REDIC1: variants seen among roughly 807,000 people sequenced by gnomAD.
REDIC1 encodes regulator of DNA class I crossover intermediates 1, also known as HEI10 Interacting Protein 1.
the REDIC1 span, among the ~76,000 whole-genome samples, chr12:39,663,061 C>T: frequency 6.6e-6 from 1 of 151,898 alleles, no homozygotes; most frequent in African/African-American, 2.4e-5. Context: ...GTCTATTCAT[C>T]AGGAATATTG....
the REDIC1 span, among the ~76,000 whole-genome samples, chr12:39,878,715 G>A: frequency 7.9e-5 from 12 of 152,244 alleles, no homozygotes; most frequent in Non-Finnish European, 1.5e-4. Context: ...TGGAAAATTT[G>A]CAGCCTGGCC....
chr12:39,740,242 G>T, the REDIC1 span, among the ~76,000 whole-genome samples: 1 of 152,116 alleles, frequency 6.6e-6, no homozygotes, highest in East Asian at 1.9e-4. Context: ...CTTTAGAGTT[G>T]GGGGGAGTAG....
At chr12:39,657,675 A>G in the REDIC1 span, among the ~76,000 whole-genome samples, 1 of 152,162 alleles carries the variant, frequency 6.6e-6, no homozygotes, top group Admixed American at 6.5e-5. Flanking sequence ...AAAGTTATTC[A>G]TAACTTTCTC....
At chr12:39,715,797 A>G in the REDIC1 span, among the ~76,000 whole-genome samples, 1 of 151,872 alleles carries the variant, frequency 6.6e-6, no homozygotes, top group Non-Finnish European at 1.5e-5. Flanking sequence ...TTCCCTTCTG[A>G]TCATGGTGGA....
At chr12:39,906,216 TA>T in the REDIC1 span, among the ~76,000 whole-genome samples, 1 of 152,162 alleles carries the variant, frequency 6.6e-6, no homozygotes, top group African/African-American at 2.4e-5. Flanking sequence ...TTGAAGTCAG[TA>T]ATTCCAACTA....
chr12:39,693,933 A>G, the REDIC1 span, among the ~76,000 whole-genome samples: 1 of 152,190 alleles, frequency 6.6e-6, no homozygotes, highest in South Asian at 2.1e-4. Context: ...AGCAATGTAC[A>G]TTTTATTCCA....
chr12:39,760,086 A>C, the REDIC1 span: 2 of 1,612,918 alleles, frequency 1.2e-6, no homozygotes, highest in Non-Finnish European at 1.7e-6. Flanking sequence ...TTACCCGAAT[A>C]TATTCAATAT....
chr12:39,788,686 A>T, the REDIC1 span: 2 of 152,166 alleles, frequency 1.3e-5, no homozygotes, highest in Non-Finnish European at 2.9e-5. Flanking sequence ...AACTTTAGGA[A>T]TCATCTAAAA....
the REDIC1 span, among the ~76,000 whole-genome samples, chr12:39,746,345 A>G: frequency 6.6e-6 from 1 of 152,128 alleles, no homozygotes; most frequent in Non-Finnish European, 1.5e-5. Flanking sequence ...TTGCTCACTG[A>G]GATCAAACTG....
chr12:39,763,637 G>A, the REDIC1 span, among the ~76,000 whole-genome samples: 1 of 152,178 alleles, frequency 6.6e-6, no homozygotes. Context: ...GCGGGGAGAT[G>A]AGAGAAGCTC....
the REDIC1 span, among the ~76,000 whole-genome samples, chr12:39,805,262 G>C: frequency 2.6e-5 from 4 of 152,282 alleles, no homozygotes; most frequent in East Asian, 7.7e-4. Context: ...AAAGTGGTGT[G>C]ATCTGGCCTC....
chr12:39,627,607 C>T, the REDIC1 span, among the ~76,000 whole-genome samples: 2 of 152,112 alleles, frequency 1.3e-5, no homozygotes, highest in Non-Finnish European at 2.9e-5. Context: ...AGGTGTACTG[C>T]AGCACCTGGA....
the REDIC1 span, among the ~76,000 whole-genome samples, chr12:39,831,824 T>C: frequency 6.6e-6 from 1 of 152,118 alleles, no homozygotes; most frequent in Non-Finnish European, 1.5e-5. Context: ...CTTAGCCTTC[T>C]ACCATAAGCT....
chr12:39,822,527 A>C, the REDIC1 span, among the ~76,000 whole-genome samples: 1 of 152,162 alleles, frequency 6.6e-6, no homozygotes. Context: ...CTTTTTAATA[A>C]ATTCCAAGCT....
At chr12:39,726,028 C>T in the REDIC1 span, among the ~76,000 whole-genome samples, 13 of 152,132 alleles carry the variant, frequency 8.5e-5, no homozygotes, top group East Asian at 1.2e-3. Context: ...ATGTCAGTCA[C>T]GTGGAACAAA....
At chr12:39,682,743 T>C in the REDIC1 span, 4 of 1,613,266 alleles carry the variant, frequency 2.5e-6, no homozygotes, top group Non-Finnish European at 3.4e-6. Context: ...GGGGGAAAAA[T>C]GGAAAGGAAG....
the REDIC1 span, chr12:39,720,702 T>C: frequency 3.8e-6 from 4 of 1,055,458 alleles, no homozygotes; most frequent in East Asian, 1.0e-4. Context: ...ATAGTTGGGA[T>C]TTTAAGAATA....
At chr12:39,684,203 T>C in the REDIC1 span, 4 of 1,029,006 alleles carry the variant, frequency 3.9e-6, no homozygotes, top group Non-Finnish European at 4.7e-6. Context: ...CCTTAAAAGT[T>C]TGAGAACTGC....
chr12:39,636,140 T>C, the REDIC1 span, among the ~76,000 whole-genome samples: 38 of 152,248 alleles, frequency 2.5e-4, no homozygotes, highest in African/African-American at 7.5e-4. Flanking sequence ...TATCTTCCAC[T>C]GTGTGACTCG....
Sources: gnomAD v4.1 joint callset for allele counts (sites outside exome capture counted in the v4.1 genomes callset) on GRCh38, gnomAD v4.1.1 for gene constraint, MANE v1.5 for transcripts, NCBI Gene and HGNC (gene_info 2026-07-23, HGNC 2026-07-21) for gene names.